Variants in TRPM8 observed in about 807,000 individuals in gnomAD.
TRPM8 encodes transient receptor potential cation channel subfamily M member 8, also known as TRPM8 cationic channel.
A neutral mutation model predicts 133.7 loss-of-function variants in TRPM8; 110 were observed. The ratio of observed to expected loss-of-function variants is 0.82; its 90% CI spans 0.70 to 0.96. The LOEUF (loss-of-function observed/expected upper bound fraction) is 0.96, where lower values mean the gene tolerates loss of function less well. Ranked by LOEUF, TRPM8 falls within the 40% of genes least tolerant of loss-of-function variation. The pLI is 0.00. For synonymous variants in TRPM8, 535 were observed against 532.3 expected (o/e 1.01, Z -0.07); for missense variants, 1,291 against 1,379.5 (o/e 0.94, Z 1.02).
chr2:234,012,463 T>TG (rs1692863741), intron 24 of TRPM8, among the ~76,000 whole-genome samples: 1 of 142,194 alleles, frequency 7.0e-6, no homozygotes, highest in Admixed American at 7.1e-5. Flanking sequence ...CAGTTTTTTT[T>TG]TGTGTGTGTG....
At chr2:233,966,570 G>T (rs1350230023) in intron 14 of TRPM8, 40 bp from the exon 15 acceptor site, 1 of 1,612,694 alleles carries the variant, frequency 6.2e-7, no homozygotes, top group South Asian at 1.1e-5. Flanking sequence ...GTCATGTGCA[G>T]CTCTTACACC....
At chr2:234,008,222 ACTGT>A (rs1692744609) in intron 24 of TRPM8, 119 bp downstream of exon 24, 2 of 1,010,636 alleles carry the variant, frequency 2.0e-6, no homozygotes, top group African/African-American at 3.3e-5. Flanking sequence ...TTCTTAATTC[ACTGT>A]CTAAGAGCAG....
chr2:233,969,057 A>G (rs1691643554), intron 15 of TRPM8, among the ~76,000 whole-genome samples: 1 of 152,214 alleles, frequency 6.6e-6, no homozygotes, highest in South Asian at 2.1e-4. Flanking sequence ...AGGAGCCAGA[A>G]AGATACTTGT....
chr2:234,011,122 C>A (rs1312814982), intron 24 of TRPM8, among the ~76,000 whole-genome samples: 1 of 152,108 alleles, frequency 6.6e-6, no homozygotes, highest in Admixed American at 6.5e-5. Flanking sequence ...ATGTTTAAGC[C>A]TTTGATCCAT....
chr2:233,950,625 G>T (rs1191899121), intron 9 of TRPM8, among the ~76,000 whole-genome samples: 1 of 152,228 alleles, frequency 6.6e-6, no homozygotes, highest in African/African-American at 2.4e-5. Context: ...TGACCTCCCT[G>T]CTGGGCTAGA....
In TRPM8 at chr2:233,927,779, TTTCTTTCTTTCTTTTCTTTCCTTCC is replaced by T. The variant is rs1315067027; in HGVS notation, c.117+1129_117+1153del. 4.2e-3 allele frequency among the ~76,000 whole-genome samples: 173 copies of T among 41,322 alleles called. 17 individuals are homozygous for T. The East Asian group carries it at 0.059, about 14-fold the overall frequency. 27.1% of individuals were successfully genotyped at this position (41,322 alleles called of 152,430 possible). On this transcript the variant is annotated intron_variant, in intron 2 of 25. Transcript: ENST00000324695. ...CTTTCTTTCTTTCTTTCTTTCTTTC[TTTCTTTCTTTCTTTTCTTTCCTTCC>T]TTCCTTCCTTCCTTCCTTCCTTCCT...
At chr2:233,982,911 G>C in intron 19 of TRPM8, 142 bp from the exon 20 acceptor site, 1 of 833,378 alleles carries the variant, frequency 1.2e-6, no homozygotes. Context: ...TTGTCAATTA[G>C]TCAGTGAACT....
At chr2:233,959,944 A>ATTT (rs536486454) in intron 11 of TRPM8, among the ~76,000 whole-genome samples, 1 of 134,920 alleles carries the variant, frequency 7.4e-6, no homozygotes, top group Non-Finnish European at 1.6e-5. Flanking sequence ...ACCACACCTA[A>ATTT]TTTTTTTTTT....
chr2:233,942,089 TTTC>T (rs1271657542), intron 5 of TRPM8, among the ~76,000 whole-genome samples: 28 of 140,060 alleles, frequency 2.0e-4, no homozygotes, highest in African/African-American at 7.9e-4. Flanking sequence ...TTTTTTTTTT[TTTC>T]TTTTTGAGAT....
At chr2:233,931,199 A>G (rs1377473167) in intron 3 of TRPM8, among the ~76,000 whole-genome samples, 2 of 152,212 alleles carry the variant, frequency 1.3e-5, no homozygotes, top group Non-Finnish European at 2.9e-5. Flanking sequence ...TGGAACATTA[A>G]GGCTGGGTTA....
intron 17 of TRPM8, 76 bp from the exon 18 acceptor site, chr2:233,980,112 G>T: frequency 1.0e-6 from 1 of 985,548 alleles, no homozygotes; most frequent in South Asian, 1.5e-5. Context: ...AAGAAAATGA[G>T]TGGACATTTA....
chr2:233,921,368 C>T (rs1267193114), intron 1 of TRPM8, among the ~76,000 whole-genome samples: 1 of 152,166 alleles, frequency 6.6e-6, no homozygotes, highest in Non-Finnish European at 1.5e-5. Flanking sequence ...TTCACCCTGG[C>T]CTCTGTATCA....
intron 18 of TRPM8, among the ~76,000 whole-genome samples, chr2:233,981,429 G>A (rs553912696): frequency 6.6e-6 from 1 of 152,294 alleles, no homozygotes; most frequent in South Asian, 2.1e-4. Flanking sequence ...GGGGTGGGCT[G>A]GGGGTTGGCA....
In TRPM8 at chr2:233,927,855, T is replaced by C. The variant is rs866735817; in HGVS notation, c.117+1201T>C. Among the ~76,000 whole-genome samples the C allele has an allele frequency of 8.7e-3, 338 of 38,938 alleles. 15 individuals carry two copies. The highest frequency in any genetic ancestry group is 0.013 in the Admixed American group (41 of 3,214). The allele number at this position is 38,938 out of a possible 152,430, so 25.5% of individuals were successfully genotyped here. A position where few individuals can be genotyped will look rare whatever the true frequency, so the allele number is the denominator to read the frequency against. ...TCCTTCCTTCCTTCCTTCCTTCCTT[T>C]CTTTCTCTTTCTTTCTTTCTTTCTT... On this transcript the variant is annotated intron_variant, in intron 2 of 25. Coordinates refer to ENST00000324695, the MANE Select transcript of TRPM8 (RefSeq NM_024080.5).
At position 233,970,199 on chromosome 2, in the gene TRPM8, T is replaced by G. The variant is rs1386093600; in HGVS notation, c.2139-11T>G. 1 of 1,613,648 alleles carries G rather than the reference T, an allele frequency of 6.2e-7. No individual in the cohort carries two copies. The highest frequency in any genetic ancestry group is 1.3e-5 in the African/African-American group (1 of 74,904). ...CAAGGATGCTGACGATGCCCTTATC[T>G]CTGGGTCCAGGAAGAAACCTGTCGA... On this transcript the variant is annotated splice_polypyrimidine_tract_variant and intron_variant, in intron 16 of 25. Transcript: ENST00000324695.
chr2:233,951,634 T>C lies in TRPM8; in HGVS notation c.1140+1488T>C, dbSNP rs28901653. Reference sequence around the variant, plus strand: ...ATAGGCTAAAAGGCACATTCTACCTTCTTTGATTATATTATCCTTTCTGCA... The same window carrying C: ...ATAGGCTAAAAGGCACATTCTACCTCCTTTGATTATATTATCCTTTCTGCA... On this transcript the variant is annotated intron_variant, in intron 9 of 25. Coordinates refer to ENST00000324695, the MANE Select transcript of TRPM8 (RefSeq NM_024080.5). Among the ~76,000 whole-genome samples, 223 of 152,326 alleles carry C rather than the reference T, an allele frequency of 1.5e-3. 5 individuals carry two copies. The East Asian group carries it at 0.037, about 25-fold the overall frequency.
chr2:233,919,615 C>G (rs187231676), intron 1 of TRPM8, among the ~76,000 whole-genome samples: 65 of 151,650 alleles, frequency 4.3e-4, no homozygotes, highest in Admixed American at 2.7e-3. Context: ...CATGTAAATA[C>G]TCTTTAACGT....
chr2:233,997,402 G>T (rs6752001), intron 22 of TRPM8, among the ~76,000 whole-genome samples: 8,316 of 152,250 alleles, frequency 0.055, 263 homozygotes, highest in East Asian at 0.14. Context: ...GGGAGGGTCG[G>T]CAGTGGGCTG....
At position 233,942,622 on chromosome 2, in the gene TRPM8, C is replaced by T; in HGVS notation, c.573C>T (p.Tyr191=). The T allele has an allele frequency of 1.2e-6, 2 of 1,614,210 alleles. No homozygotes were observed. Among genetic ancestry groups the T allele is most frequent in the East Asian group, 2.2e-5 (1 of 44,874 alleles). ...TGGTHYGLMK[Y]IGEVVRDNTI... ...GCACCCATTATGGCCTGATGAAGTA[C>T]ATCGGGGAGGTGGTGAGAGATAACA... is the stretch of plus-strand genomic sequence containing the variant. The change falls in exon 6 of 26, where the codon TAC becomes TAT. Residue 191 remains tyrosine, a synonymous_variant. Coordinates refer to ENST00000324695, the MANE Select transcript of TRPM8 (RefSeq NM_024080.5).
Sources: gnomAD v4.1 joint callset for allele counts (sites outside exome capture counted in the v4.1 genomes callset) on GRCh38, gnomAD v4.1.1 for gene constraint, MANE v1.5 for transcripts, NCBI Gene and HGNC (gene_info 2026-07-23, HGNC 2026-07-21) for gene names.